KCTD8: variants seen among roughly 807,000 people sequenced by gnomAD.
KCTD8 encodes potassium channel tetramerization domain containing 8.
A neutral mutation model predicts 31.5 loss-of-function variants in KCTD8; 27 were observed. The observed-to-expected ratio is 0.86, with a 90% CI of 0.63 to 1.18. The LOEUF (loss-of-function observed/expected upper bound fraction) is 1.18. KCTD8 is among the 50% of genes most tolerant of loss of function. The pLI is 0.00. For missense variants in KCTD8, 658 were observed against 647.7 expected, an observed-to-expected ratio of 1.02 and a Z score of -0.17; for synonymous variants, 290 against 280.0, an observed-to-expected ratio of 1.04 and a Z score of -0.36.
rs1168400128 is a variant in KCTD8, at chr4:44,247,634, C to T, written c.962-72384G>A. Among the ~76,000 whole-genome samples the T allele has an allele frequency of 4.6e-5, 7 of 151,872 alleles. No individual in the cohort carries two copies. The South Asian group carries it at 6.2e-4, about 13-fold the overall frequency. ...AGCAACTTTTTACCTATTCTTCCAGCTCTTGGCAATCACCATTGTACCCTC... is the reference window on the plus strand; with the variant it reads ...AGCAACTTTTTACCTATTCTTCCAGTTCTTGGCAATCACCATTGTACCCTC... On this transcript the variant is annotated intron_variant, in intron 1 of 1. Transcript: ENST00000360029.
At chr4:44,339,582 T>G (rs1718842515) in intron 1 of KCTD8, among the ~76,000 whole-genome samples, 1 of 152,146 alleles carries the variant, frequency 6.6e-6, no homozygotes, top group South Asian at 2.1e-4. Flanking sequence ...GACATTTCTG[T>G]AATTATAGTT....
intron 1 of KCTD8, among the ~76,000 whole-genome samples, chr4:44,188,370 C>G (rs545419904): frequency 6.4e-4 from 97 of 152,214 alleles, no homozygotes; most frequent in African/African-American, 2.1e-3. Flanking sequence ...TTGAATAGAG[C>G]AGAATTTTGC....
chr4:44,384,207 T>C (rs908653344), intron 1 of KCTD8, among the ~76,000 whole-genome samples: 1 of 151,690 alleles, frequency 6.6e-6, no homozygotes, highest in Non-Finnish European at 1.5e-5. Flanking sequence ...CTCTTATACA[T>C]TGTTGGTGGG....
chr4:44,320,475 A>G (rs902898386), intron 1 of KCTD8, among the ~76,000 whole-genome samples: 3 of 152,188 alleles, frequency 2.0e-5, no homozygotes, highest in African/African-American at 7.2e-5. Context: ...AATACATGTT[A>G]TGATTCAGAT....
intron 1 of KCTD8, among the ~76,000 whole-genome samples, chr4:44,322,060 A>G (rs1393926865): frequency 3.3e-5 from 5 of 152,022 alleles, no homozygotes; most frequent in Non-Finnish European, 5.9e-5. Flanking sequence ...TATAATAAAC[A>G]TGAGAGTGTG....
At chr4:44,241,969 C>G (rs927888167) in intron 1 of KCTD8, among the ~76,000 whole-genome samples, 2 of 152,018 alleles carry the variant, frequency 1.3e-5, no homozygotes, top group Non-Finnish European at 2.9e-5. Flanking sequence ...AGGTTTCTCC[C>G]CAAGGGGATG....
chr4:44,335,409 C>A (rs10002312), intron 1 of KCTD8, among the ~76,000 whole-genome samples: 3,365 of 152,002 alleles, frequency 0.022, 106 homozygotes, highest in African/African-American at 0.065. Context: ...CCGAGACACA[C>A]AATTTACCCA....
intron 1 of KCTD8, among the ~76,000 whole-genome samples, chr4:44,307,769 T>C (rs1717843798): frequency 6.6e-6 from 1 of 151,992 alleles, no homozygotes; most frequent in Admixed American, 6.6e-5. Context: ...GTAGTAATTA[T>C]CATGAAATAG....
rs1275045083 is a variant in KCTD8, at chr4:44,302,695, T to C, written c.962-127445A>G. ...ACAATTTGACTTCCTCTTTTCCTAA[T>C]TGAATACCCTTTATTTCCTTCTTCT... On this transcript the variant is annotated intron_variant, in intron 1 of 1. Transcript: ENST00000360029. Among the ~76,000 whole-genome samples, 13 of 152,070 alleles carry C rather than the reference T, an allele frequency of 8.5e-5. No individual in the cohort carries two copies. The East Asian group carries it at 2.3e-3, about 27-fold the overall frequency.
chr4:44,219,236 C>A (rs1358305284), intron 1 of KCTD8, among the ~76,000 whole-genome samples: 1 of 152,164 alleles, frequency 6.6e-6, no homozygotes, highest in African/African-American at 2.4e-5. Flanking sequence ...ATAGAAGTGA[C>A]AACACGAAAC....
At chr4:44,329,787 A>G (rs1347023964) in intron 1 of KCTD8, among the ~76,000 whole-genome samples, 1 of 152,006 alleles carries the variant, frequency 6.6e-6, no homozygotes, top group Admixed American at 6.6e-5. Flanking sequence ...CTCTATCAGT[A>G]TAATATTCTT....
In KCTD8 at chr4:44,175,053, A is replaced by C; in HGVS notation, c.1159T>G (p.Leu387Val). The change falls in exon 2 of 2, where the codon TTA (leucine) becomes GTA (valine). Residue 387 changes from leucine to valine, a missense_variant. By Grantham distance (32) the Leu-to-Val change is conservative. Transcript: ENST00000360029. Reference sequence around the variant, plus strand: ...TTTTTAGAGGGGCGATCCAATGTTAAAGTGTTAGGTTGGTGAGCTGTTGCC... The same window carrying C: ...TTTTTAGAGGGGCGATCCAATGTTACAGTGTTAGGTTGGTGAGCTGTTGCC... ...QQATAHQPNT[L>V]TLDRPSKKAP... 1 of 1,613,946 alleles carries C rather than the reference A, an allele frequency of 6.2e-7. No homozygotes were observed. Among genetic ancestry groups the C allele is most frequent in the Non-Finnish European group, 8.5e-7 (1 of 1,179,964 alleles).
At chr4:44,279,462 T>C (rs1277412171) in intron 1 of KCTD8, among the ~76,000 whole-genome samples, 1 of 152,124 alleles carries the variant, frequency 6.6e-6, no homozygotes, top group Non-Finnish European at 1.5e-5. Context: ...CTCTGATTTC[T>C]TCTTCTGCCC....
At chr4:44,290,703 G>C (rs1439552396) in intron 1 of KCTD8, among the ~76,000 whole-genome samples, 1 of 152,052 alleles carries the variant, frequency 6.6e-6, no homozygotes, top group Non-Finnish European at 1.5e-5. Context: ...ACTTGCTCCT[G>C]AGTAACTCTT....
chr4:44,429,445 A>G (rs958830154), intron 1 of KCTD8, among the ~76,000 whole-genome samples: 1 of 151,798 alleles, frequency 6.6e-6, no homozygotes, highest in Admixed American at 6.6e-5. Flanking sequence ...ATTTAAGGGC[A>G]TAGATAGAAA....
chr4:44,182,659 A>G (rs142334524), intron 1 of KCTD8, among the ~76,000 whole-genome samples: 4,834 of 152,290 alleles, frequency 0.032, 140 homozygotes, highest in Non-Finnish European at 0.044. Context: ...GCGGAAGGCC[A>G]CAGGGTCCTC....
intron 1 of KCTD8, among the ~76,000 whole-genome samples, chr4:44,262,386 A>C (rs563878129): frequency 6.6e-6 from 1 of 152,178 alleles, no homozygotes; most frequent in East Asian, 1.9e-4. Flanking sequence ...CAAGAGAGAA[A>C]ATTGTTGACA....
chr4:44,384,113 T>A (rs1320503751), intron 1 of KCTD8, among the ~76,000 whole-genome samples: 3 of 150,218 alleles, frequency 2.0e-5, no homozygotes, highest in Non-Finnish European at 3.0e-5. Context: ...CAATGAGATA[T>A]CTTCTCACTC....
At chr4:44,411,050 T>C (rs1176105750) in intron 1 of KCTD8, among the ~76,000 whole-genome samples, 1 of 152,162 alleles carries the variant, frequency 6.6e-6, no homozygotes, top group Non-Finnish European at 1.5e-5. Flanking sequence ...TAGTGAATAC[T>C]AGGTCCCAAG....
Sources: gnomAD v4.1 joint callset for allele counts (sites outside exome capture counted in the v4.1 genomes callset) on GRCh38, gnomAD v4.1.1 for gene constraint, MANE v1.5 for transcripts, NCBI Gene and HGNC (gene_info 2026-07-23, HGNC 2026-07-21) for gene names.